The following TYR variants were observed in gnomAD, a reference collection of about 807,000 sequenced individuals.
TYR encodes tyrosinase.
In TYR, 58 loss-of-function variants were observed where a neutral mutation model predicts 51.5. The observed-to-expected ratio is 1.13, with a 90% CI of 0.91 to 1.40. The LOEUF (loss-of-function observed/expected upper bound fraction) is 1.40, where lower values mean the gene tolerates loss of function less well. TYR is among the 40% of genes most tolerant of loss of function. TYR has a pLI of 0.00. For missense variants in TYR, 732 were observed against 647.4 expected (o/e 1.13, Z -1.42); for synonymous variants, 263 against 235.2 (o/e 1.12, Z -1.08).
At chr11:89,241,057 G>C (rs1359429821) in intron 3 of TYR, among the ~76,000 whole-genome samples, 1 of 152,086 alleles carries the variant, frequency 6.6e-6, no homozygotes, top group Non-Finnish European at 1.5e-5. Flanking sequence ...ATCAGATTTG[G>C]GAAAAACTAA....
Position 89,198,754 on chromosome 11 carries a change from C to CATATATATATATATATATATATATATAT in TYR, c.1036+7352_1036+7353insATATATATATATATATATATATATATAT, listed in dbSNP as rs144458836. On this transcript the variant is annotated intron_variant, in intron 2 of 4. Transcript: ENST00000263321. The stretch of plus-strand genomic sequence containing the variant: ...TTTACTCAAAAGGTAACTTTTTTCT[C>CATATATATATATATATATATATATATAT]ATATATATATATATATTTTTATACT... Among the ~76,000 whole-genome samples, 534 of 145,992 alleles carry CATATATATATATATATATATATATATAT rather than the reference C, an allele frequency of 3.7e-3. 5 individuals carry two copies. Among genetic ancestry groups the CATATATATATATATATATATATATATAT allele is most frequent in the African/African-American group, 0.014 (511 of 37,428 alleles).
chr11:89,195,875 A>AT (rs1172310696), intron 2 of TYR, among the ~76,000 whole-genome samples: 2 of 151,810 alleles, frequency 1.3e-5, no homozygotes, highest in African/African-American at 4.8e-5. Context: ...TTTACAAGAG[A>AT]TTTTTTGTTT....
At chr11:89,237,460 T>C (rs547702020) in intron 3 of TYR, among the ~76,000 whole-genome samples, 1 of 152,280 alleles carries the variant, frequency 6.6e-6, no homozygotes, top group African/African-American at 2.4e-5. Context: ...GATGAGCCTA[T>C]CCATTGTGTA....
intron 3 of TYR, among the ~76,000 whole-genome samples, chr11:89,263,594 C>A (rs1944488237): frequency 6.6e-6 from 1 of 151,954 alleles, no homozygotes; most frequent in African/African-American, 2.4e-5. Flanking sequence ...ATAATAGTGT[C>A]TTAAATCATA....
intron 2 of TYR, among the ~76,000 whole-genome samples, chr11:89,203,301 C>T (rs1943624485): frequency 6.6e-6 from 1 of 152,126 alleles, no homozygotes; most frequent in African/African-American, 2.4e-5. Context: ...ATACAAATTC[C>T]ACTTCACTAC....
chr11:89,263,868 C>A lies in TYR; in HGVS notation c.1185-20905C>A, dbSNP rs2135309161. Among the ~76,000 whole-genome samples the A allele has an allele frequency of 2.0e-5, 3 of 152,084 alleles. No homozygotes were observed. In the South Asian group the frequency reaches 6.2e-4, roughly 32 times the overall value. On this transcript the variant is annotated intron_variant, in intron 3 of 4. Transcript: ENST00000263321. ...TGAATAAAATAACAGGAAGACCCCC[C>A]CTTGTTCACAGATTGGAAGACTTAA...
At chr11:89,281,995 T>C (rs899226996) in intron 3 of TYR, among the ~76,000 whole-genome samples, 2 of 151,822 alleles carry the variant, frequency 1.3e-5, no homozygotes, top group African/African-American at 4.8e-5. Context: ...CCATGTGAGC[T>C]ATTCTAGTCA....
intron 2 of TYR, among the ~76,000 whole-genome samples, chr11:89,204,915 G>A (rs1182687141): frequency 6.6e-6 from 1 of 151,676 alleles, no homozygotes; most frequent in Non-Finnish European, 1.5e-5. Context: ...AAGTAATTGT[G>A]GTTTTTGCCA....
intron 3 of TYR, among the ~76,000 whole-genome samples, chr11:89,254,343 A>G (rs544553709): frequency 6.6e-6 from 1 of 151,928 alleles, no homozygotes; most frequent in African/African-American, 2.4e-5. Context: ...CTGTCTTCAT[A>G]GAATGATTTA....
intron 2 of TYR, among the ~76,000 whole-genome samples, chr11:89,201,342 C>G (rs1044668506): frequency 6.6e-6 from 1 of 152,084 alleles, no homozygotes; most frequent in East Asian, 1.9e-4. Flanking sequence ...ATCCTACATT[C>G]AAGTGAAAAT....
chr11:89,180,381 A>G (rs966967182), intron 1 of TYR, among the ~76,000 whole-genome samples: 9 of 152,172 alleles, frequency 5.9e-5, no homozygotes, highest in Admixed American at 2.6e-4. Context: ...TGCAACATCC[A>G]CAGGAAATCT....
At chr11:89,223,050 G>T (rs538395604) in intron 2 of TYR, among the ~76,000 whole-genome samples, 1 of 152,232 alleles carries the variant, frequency 6.6e-6, no homozygotes, top group South Asian at 2.1e-4. Context: ...ATTTCCAAGG[G>T]TAAGTCAGTA....
intron 3 of TYR, among the ~76,000 whole-genome samples, chr11:89,250,440 A>G (rs1944317168): frequency 6.6e-6 from 1 of 151,956 alleles, no homozygotes; most frequent in Non-Finnish European, 1.5e-5. Flanking sequence ...CTGTCATTAT[A>G]TCAATTAGGA....
chr11:89,281,202 A>G (rs1472202968), intron 3 of TYR, among the ~76,000 whole-genome samples: 1 of 151,586 alleles, frequency 6.6e-6, no homozygotes, highest in Non-Finnish European at 1.5e-5. Context: ...CCTGTGGCTT[A>G]TATTTACTTC....
chr11:89,213,775 A>C (rs1943794466), intron 2 of TYR, among the ~76,000 whole-genome samples: 1 of 152,216 alleles, frequency 6.6e-6, no homozygotes, highest in African/African-American at 2.4e-5. Context: ...CAGAGGCCTC[A>C]GAAATAACAC....
At chr11:89,207,927 T>A (rs1943693528) in intron 2 of TYR, among the ~76,000 whole-genome samples, 1 of 152,172 alleles carries the variant, frequency 6.6e-6, no homozygotes, top group South Asian at 2.1e-4. Context: ...CAGATTTCTC[T>A]CTATTATTTC....
chr11:89,178,178 T>A lies in TYR; in HGVS notation c.225T>A (p.Asp75Glu). 2 of 1,614,208 alleles carry A rather than the reference T, an allele frequency of 1.2e-6. No individual in the cohort carries two copies. The highest frequency in any genetic ancestry group is 1.7e-6 in the Non-Finnish European group (2 of 1,180,030). Residue 75 changes from aspartate (D) to glutamate (E), a missense_variant, in exon 1 of 5, where the codon GAT becomes GAA. Coordinates refer to ENST00000263321, the MANE Select transcript of TYR (RefSeq NM_000372.5). ...LGPQFPFTGV[D>E]DRESWPSVFY... Reference sequence around the variant, plus strand: ...CTCAATTTCCCTTCACAGGGGTGGATGACCGGGAGTCGTGGCCTTCCGTCT... The same window carrying A: ...CTCAATTTCCCTTCACAGGGGTGGAAGACCGGGAGTCGTGGCCTTCCGTCT...
chr11:89,215,341 T>A (rs1264738321), intron 2 of TYR, among the ~76,000 whole-genome samples: 1 of 116,370 alleles, frequency 8.6e-6, no homozygotes, highest in Non-Finnish European at 1.6e-5. Context: ...TGAGAACACA[T>A]GGACACAGGA....
chr11:89,213,111 A>C (rs1288306835), intron 2 of TYR, among the ~76,000 whole-genome samples: 2 of 152,202 alleles, frequency 1.3e-5, no homozygotes, highest in African/African-American at 4.8e-5. Context: ...AGAGAAAGAA[A>C]AAAAGGATAT....
Sources: allele counts gnomAD v4.1 joint callset (sites outside exome capture counted in the v4.1 genomes callset), GRCh38; gene constraint gnomAD v4.1.1; transcripts MANE v1.5; gene names NCBI Gene and HGNC (gene_info 2026-07-23, HGNC 2026-07-21).